The following DDAH1 variants were observed in gnomAD, a reference collection of about 807,000 sequenced individuals.
DDAH1 encodes dimethylarginine dimethylaminohydrolase 1.
DDAH1 carries 19 observed loss-of-function variants against 28.8 expected under a neutral mutation model. The ratio of observed to expected loss-of-function variants is 0.66; its 90% CI spans 0.46 to 0.97. The LOEUF (loss-of-function observed/expected upper bound fraction) is 0.97, where lower values mean the gene tolerates loss of function less well. Ranked by LOEUF, DDAH1 falls within the 50% of genes least tolerant of loss-of-function variation. The probability of loss-of-function intolerance (pLI) is 0.00; values close to 1 mark genes in which losing one functional copy is unlikely to be tolerated. For missense variants in DDAH1, 326 were observed against 375.9 expected, an observed-to-expected ratio of 0.87 and a Z score of 1.10; for synonymous variants, 153 against 154.4, an observed-to-expected ratio of 0.99 and a Z score of 0.07.
chr1:85,380,940 T>C (rs1245837337), intron 1 of DDAH1, among the ~76,000 whole-genome samples: 13 of 152,128 alleles, frequency 8.5e-5, no homozygotes, highest in Admixed American at 7.9e-4. Flanking sequence ...ACTATAGACC[T>C]GAAAGATATA....
Position 85,380,958 on chromosome 1 carries a change from C to T in DDAH1, c.304-22111G>A, listed in dbSNP as rs185184053. Reference sequence around the variant, plus strand: ...ATAGACCTGAAAGATATATTCTAGCCGGGCGTGGTGGCTCACACCTGTAAT... The same window carrying T: ...ATAGACCTGAAAGATATATTCTAGCTGGGCGTGGTGGCTCACACCTGTAAT... On this transcript the variant is annotated intron_variant, in intron 1 of 5. Coordinates refer to ENST00000284031, the MANE Select transcript of DDAH1 (RefSeq NM_012137.4). 3.6e-3 allele frequency among the ~76,000 whole-genome samples: 554 copies of T among 152,164 alleles called. 3 individuals carry two copies. The highest frequency in any genetic ancestry group is 3.9e-3 in the Non-Finnish European group (266 of 68,002).
chr1:85,457,718 T>A (rs1188109142), intron 1 of DDAH1, among the ~76,000 whole-genome samples: 1 of 152,232 alleles, frequency 6.6e-6, no homozygotes, highest in Non-Finnish European at 1.5e-5. Flanking sequence ...AGACGGAGTT[T>A]CGCTCTTGTT....
At chr1:85,571,594 G>T (rs375889875) in intron 1 of DDAH1, among the ~76,000 whole-genome samples, 1 of 152,148 alleles carries the variant, frequency 6.6e-6, no homozygotes, top group South Asian at 2.1e-4. Context: ...TCTTTGCATT[G>T]CTGCCTAGCA....
chr1:85,492,179 T>C (rs946905796), intron 2 of DDAH1, among the ~76,000 whole-genome samples: 2 of 152,186 alleles, frequency 1.3e-5, no homozygotes, highest in African/African-American at 2.4e-5. Flanking sequence ...CTGTGTTCTT[T>C]TGAATGTCCT....
intron 1 of DDAH1, among the ~76,000 whole-genome samples, chr1:85,383,924 T>C (rs767559432): frequency 3.9e-5 from 6 of 152,220 alleles, no homozygotes; most frequent in Non-Finnish European, 5.9e-5. Context: ...ATAACTTTTA[T>C]ATGGACTGGG....
chr1:85,326,411 C>T (rs891720721), intron 4 of DDAH1, among the ~76,000 whole-genome samples: 1 of 152,144 alleles, frequency 6.6e-6, no homozygotes, highest in Non-Finnish European at 1.5e-5. Flanking sequence ...GGCACCATGC[C>T]AAACATTTTA....
rs114769180 is a variant in DDAH1 at position 85,567,759 on chromosome 1, T to C, written c.-123+10225A>G. On this transcript the variant is annotated intron_variant, in intron 1 of 6. Transcript: ENST00000426972. ...AACCTAACAGAAGTAAAAAGAAAAA[T>C]AGACATATTCATAATTGTAGTTGGA... Among the ~76,000 whole-genome samples the C allele has an allele frequency of 6.4e-3, 971 of 151,968 alleles. 11 individuals are homozygous for C. Among genetic ancestry groups the C allele is most frequent in the African/African-American group, 0.023 (934 of 41,460 alleles).
Position 85,464,539 on chromosome 1 carries a change from G to A in DDAH1, c.303+204C>T. On this transcript the variant is annotated intron_variant, in intron 1 of 5. Coordinates refer to ENST00000284031, the MANE Select transcript of DDAH1 (RefSeq NM_012137.4). The surrounding 1 kb of genome is among the most constrained non-coding windows in gnomAD (Gnocchi z 4.4). ...CCACATTGAATCGGATCCTCCAGAAGGCTGCCGGCAGCCGGGAGGTGTGAA... is the reference window on the plus strand; with the variant it reads ...CCACATTGAATCGGATCCTCCAGAAAGCTGCCGGCAGCCGGGAGGTGTGAA... 1.3e-6 allele frequency: 2 copies of A among 1,528,802 alleles called. No individual in the cohort carries two copies. Among genetic ancestry groups the A allele is most frequent in the Non-Finnish European group, 1.7e-6 (2 of 1,142,984 alleles). 94.7% of individuals were successfully genotyped at this position (1,528,802 alleles called of 1,614,324 possible).
chr1:85,558,976 C>T (rs1381949517), intron 1 of DDAH1, among the ~76,000 whole-genome samples: 1 of 152,142 alleles, frequency 6.6e-6, no homozygotes, highest in Non-Finnish European at 1.5e-5. Context: ...AAATTCAATA[C>T]TAACAAGGTT....
chr1:85,433,310 C>T (rs148656874), intron 1 of DDAH1, among the ~76,000 whole-genome samples: 1 of 152,146 alleles, frequency 6.6e-6, no homozygotes, highest in East Asian at 1.9e-4. Flanking sequence ...GGGGTTTGAG[C>T]TTGGCAGGGG....
intron 2 of DDAH1, among the ~76,000 whole-genome samples, chr1:85,491,457 A>T (rs1656400470): frequency 6.6e-6 from 1 of 152,176 alleles, no homozygotes; most frequent in Non-Finnish European, 1.5e-5. Flanking sequence ...TGCTGTTAGG[A>T]TGAGATGAGA....
chr1:85,530,434 A>C (rs1468665965), intron 1 of DDAH1, among the ~76,000 whole-genome samples: 3 of 151,850 alleles, frequency 2.0e-5, no homozygotes, highest in Non-Finnish European at 4.4e-5. Flanking sequence ...ACAGTTCAAA[A>C]TGTTACAGGT....
intron 1 of DDAH1, among the ~76,000 whole-genome samples, chr1:85,538,891 G>A: frequency 6.6e-6 from 1 of 152,108 alleles, no homozygotes; most frequent in Non-Finnish European, 1.5e-5. Context: ...TCTCTTTGGA[G>A]AAACGTTCCA....
chr1:85,449,912 G>A (rs2100667890), intron 1 of DDAH1, among the ~76,000 whole-genome samples: 1 of 152,224 alleles, frequency 6.6e-6, no homozygotes, highest in South Asian at 2.1e-4. Context: ...TGGAGTACAG[G>A]GGCAGGATTC....
At chr1:85,573,884 AC>A (rs991979138) in intron 1 of DDAH1, among the ~76,000 whole-genome samples, 1 of 152,244 alleles carries the variant, frequency 6.6e-6, no homozygotes, top group African/African-American at 2.4e-5. Flanking sequence ...GCTGTTCCCT[AC>A]AATTTCACAG....
chr1:85,415,556 C>T (rs574904003), intron 1 of DDAH1, among the ~76,000 whole-genome samples: 1 of 152,032 alleles, frequency 6.6e-6, no homozygotes, highest in Non-Finnish European at 1.5e-5. Context: ...TGAATATATT[C>T]ATACATTGAA....
At chr1:85,466,833 T>TTTTTTTC, upstream of DDAH1, among the ~76,000 whole-genome samples, 1 of 10,056 alleles carries the variant, frequency 9.9e-5, no homozygotes, top group Non-Finnish European at 2.5e-4. Context: ...TTATTTATTC[T>TTTTTTTC]TTTTTTTTTT....
At chr1:85,435,867 T>C (rs1162684594) in intron 1 of DDAH1, among the ~76,000 whole-genome samples, 1 of 152,204 alleles carries the variant, frequency 6.6e-6, no homozygotes, top group Non-Finnish European at 1.5e-5. Flanking sequence ...CTCATCTCAC[T>C]GCAACCTCTG....
chr1:85,358,916 T>G, intron 1 of DDAH1, 69 bp from the exon 2 acceptor site: 1 of 1,162,404 alleles, frequency 8.6e-7, no homozygotes, highest in Non-Finnish European at 1.3e-6. Flanking sequence ...ATCCAAAACA[T>G]CTAAACACTA....
Sources: allele counts gnomAD v4.1 joint callset (sites outside exome capture counted in the v4.1 genomes callset), GRCh38; gene constraint gnomAD v4.1.1; non-coding constraint Gnocchi (gnomAD v3.1); transcripts MANE v1.5; gene names NCBI Gene and HGNC (gene_info 2026-07-23, HGNC 2026-07-21).